DCUN1D2: variants seen among roughly 807,000 people sequenced by gnomAD.
DCUN1D2 encodes DCN1-like protein 2.
DCUN1D2 carries 29 observed loss-of-function variants against 30.9 expected under a neutral mutation model. The observed-to-expected ratio is 0.94, with a 90% CI of 0.70 to 1.28. The LOEUF (loss-of-function observed/expected upper bound fraction) is 1.28. DCUN1D2 is among the 50% of genes most tolerant of loss of function. The pLI, the probability that DCUN1D2 is intolerant of heterozygous loss-of-function variation, is 0.00. For missense variants in DCUN1D2, 325 were observed against 316.9 expected, an observed-to-expected ratio of 1.03 and a Z score of -0.19; for synonymous variants, 121 against 115.3, an observed-to-expected ratio of 1.05 and a Z score of -0.32.
intron 4 of DCUN1D2, chr13:113,463,098 A>G (rs1467488349): frequency 5.8e-6 from 1 of 171,218 alleles, no homozygotes; most frequent in Non-Finnish European, 1.2e-5. Flanking sequence ...AGCCATTTGC[A>G]AAACAGTAAC....
chr13:113,491,554 C>T (rs1285886275), upstream of DCUN1D2, among the ~76,000 whole-genome samples: 1 of 152,174 alleles, frequency 6.6e-6, no homozygotes, highest in Non-Finnish European at 1.5e-5. Context: ...CCTCCCCTCT[C>T]TCTCTCCTCG....
chr13:113,484,191 A>G, intron 1 of DCUN1D2, 135 bp from the exon 2 acceptor site: 7 of 1,461,962 alleles, frequency 4.8e-6, no homozygotes, highest in Non-Finnish European at 6.3e-6. Context: ...AAGACTGCAC[A>G]GTCTTCTGAA....
At chr13:113,461,849 C>A (rs1410958520) in intron 4 of DCUN1D2, among the ~76,000 whole-genome samples, 2 of 152,042 alleles carry the variant, frequency 1.3e-5, no homozygotes, top group African/African-American at 4.8e-5. Context: ...TGTCTCCAAT[C>A]CATAGTTTGT....
chr13:113,466,846 G>A (rs1195406563), intron 4 of DCUN1D2, among the ~76,000 whole-genome samples: 3 of 135,124 alleles, frequency 2.2e-5, no homozygotes, highest in Non-Finnish European at 4.6e-5. Context: ...CTGCTCTGTC[G>A]CCCAGGCTGG....
intron 4 of DCUN1D2, among the ~76,000 whole-genome samples, chr13:113,462,445 C>T (rs540053775): frequency 3.3e-5 from 5 of 152,206 alleles, no homozygotes; most frequent in Non-Finnish European, 5.9e-5. Flanking sequence ...AAGTACATAA[C>T]TAAACACTTC....
intron 4 of DCUN1D2, among the ~76,000 whole-genome samples, chr13:113,473,011 C>T (rs2044550474): frequency 7.4e-6 from 1 of 135,498 alleles, no homozygotes; most frequent in Non-Finnish European, 1.6e-5. Context: ...CTCTGTCCCC[C>T]ATCTCTCTAT....
chr13:113,477,066 A>G (rs2044629607), intron 3 of DCUN1D2, among the ~76,000 whole-genome samples: 1 of 152,162 alleles, frequency 6.6e-6, no homozygotes, highest in Admixed American at 6.5e-5. Context: ...AAAAGTTCCA[A>G]TTATCTGGTA....
At position 113,456,321 on chromosome 13, in the gene DCUN1D2, C is replaced by T. The variant is rs1306869932; in HGVS notation, c.*1708G>A. On this transcript the variant is annotated 3_prime_UTR_variant, in exon 7 of 7. Transcript: ENST00000478244. ...CCCTTCCAGTCCTGTCCCTGCTGCC[C>T]TCTGTGACCATCTCTGCTAAGAAAC... 2 of 398,624 alleles carry T rather than the reference C, an allele frequency of 5.0e-6. No individual in the cohort carries two copies. The highest frequency in any genetic ancestry group is 2.1e-5 in the African/African-American group (1 of 48,636). 24.7% of individuals were successfully genotyped at this position (398,624 alleles called of 1,614,324 possible). A position where few individuals can be genotyped will look rare whatever the true frequency, so the allele number is the denominator to read the frequency against.
intron 1 of DCUN1D2, chr13:113,489,089 C>T (rs540405562): frequency 1.0e-6 from 1 of 984,894 alleles, no homozygotes; most frequent in Non-Finnish European, 1.2e-6. Context: ...GGTCAACTTA[C>T]CCGGGGCTGG....
chr13:113,478,232 C>G (rs1594117683), intron 3 of DCUN1D2, among the ~76,000 whole-genome samples: 1 of 152,116 alleles, frequency 6.6e-6, no homozygotes, highest in East Asian at 1.9e-4. Context: ...TTAAGAGTTA[C>G]AGAACTATTA....
At position 113,474,210 on chromosome 13, in the gene DCUN1D2, T is replaced by A. The variant is rs1283621590; in HGVS notation, c.434A>T (p.Glu145Val). Residue 145 changes from glutamate to valine, a missense_variant, in exon 4 of 7, where the codon GAG becomes GTG. Glu to Val is a moderately radical substitution (Grantham distance 121, BLOSUM62 -2). Coordinates refer to ENST00000478244, the MANE Select transcript of DCUN1D2 (RefSeq NM_001014283.2). ...CTTGGCTGTGTCCTTCAGCTCCTGC[T>A]CCAGTCTTGGCAGAAGAGCCTTTAG... Reference protein sequence around the residue: ...EKLKALLPRLEQELKDTAKFK... With the variant: ...EKLKALLPRLVQELKDTAKFK... 1 of 1,614,144 alleles carries A rather than the reference T, an allele frequency of 6.2e-7. No homozygotes were observed. The highest frequency in any genetic ancestry group is 8.5e-7 in the Non-Finnish European group (1 of 1,179,990).
At chr13:113,491,329 C>T (rs2045017004), upstream of DCUN1D2, 1 of 152,684 alleles carries the variant, frequency 6.5e-6, no homozygotes, top group African/African-American at 2.4e-5. Context: ...TTCCTTCCCT[C>T]CCTCCCTGGG....
At chr13:113,475,156 A>G (rs1472890346) in intron 3 of DCUN1D2, among the ~76,000 whole-genome samples, 3 of 152,196 alleles carry the variant, frequency 2.0e-5, no homozygotes, top group Non-Finnish European at 4.4e-5. Context: ...ACATACACGG[A>G]AAAGCACAAA....
chr13:113,455,953 TG>T lies in DCUN1D2; in HGVS notation c.*2075del, dbSNP rs2044219290. 2.8e-6 allele frequency: 1 copy of T among 356,972 alleles called. No homozygotes were observed. The highest frequency in any genetic ancestry group is 2.1e-5 in the African/African-American group (1 of 47,836). The allele number at this position is 356,972 out of a possible 1,614,324, so 22.1% of individuals were successfully genotyped here. On this transcript the variant is annotated 3_prime_UTR_variant, in exon 7 of 7. Coordinates refer to ENST00000478244, the MANE Select transcript of DCUN1D2 (RefSeq NM_001014283.2). Reference sequence around the variant, plus strand: ...CAATGATTAATATTTTGATATCTATTGACAATCCCTTAGAACTTTAAATCTC... The same window carrying T: ...CAATGATTAATATTTTGATATCTATTACAATCCCTTAGAACTTTAAATCTC...
At chr13:113,479,527 C>A (rs1401153559) in intron 3 of DCUN1D2, among the ~76,000 whole-genome samples, 1 of 152,126 alleles carries the variant, frequency 6.6e-6, no homozygotes, top group Non-Finnish European at 1.5e-5. Flanking sequence ...GCTGATGAGG[C>A]AAGGTGGTGT....
At chr13:113,477,019 G>C (rs1431292522) in intron 3 of DCUN1D2, among the ~76,000 whole-genome samples, 1 of 152,118 alleles carries the variant, frequency 6.6e-6, no homozygotes, top group African/African-American at 2.4e-5. Context: ...ATCTGATCTG[G>C]CGCTTGATGC....
chr13:113,472,956 T>G (rs2044548231), intron 4 of DCUN1D2, among the ~76,000 whole-genome samples: 1 of 148,898 alleles, frequency 6.7e-6, no homozygotes, highest in South Asian at 2.2e-4. Context: ...CCCCTGCGCC[T>G]CTGCTCCCGT....
At chr13:113,458,129 A>C (rs1394512876) in intron 6 of DCUN1D2, 21 bp from the exon 7 acceptor site, 8 of 1,608,798 alleles carry the variant, frequency 5.0e-6, no homozygotes, top group Non-Finnish European at 6.0e-6. Flanking sequence ...GCAAGCAAAC[A>C]GAAAACCCGT....
chr13:113,474,139 C>T lies in DCUN1D2; in HGVS notation c.505G>A (p.Gly169Arg). ...QFTFTFAKNP[G>R]QKGLDLEMAV... ...TCATACTCACCTAAACCTTTCTGCC[C>T]TGGGTTCTTAGCGAAGGTGAAGGTA... Residue 169 changes from glycine to arginine, a missense_variant, in exon 4 of 7, where the codon GGG becomes AGG. By Grantham distance (125) the Gly-to-Arg change is moderately radical. Transcript: ENST00000478244. 1 of 1,614,016 alleles carries T rather than the reference C, an allele frequency of 6.2e-7. No homozygotes were observed. The highest frequency in any genetic ancestry group is 8.5e-7 in the Non-Finnish European group (1 of 1,179,914).
Sources: gnomAD v4.1 joint callset for allele counts (sites outside exome capture counted in the v4.1 genomes callset) on GRCh38, gnomAD v4.1.1 for gene constraint, MANE v1.5 for transcripts, NCBI Gene and HGNC (gene_info 2026-07-23, HGNC 2026-07-21) for gene names.